The following MAP3K11 variants were observed in gnomAD, a reference collection of about 807,000 sequenced individuals.
MAP3K11 encodes SH3 domain-containing proline-rich kinase.
Under a neutral mutation model 84.9 loss-of-function variants are expected in MAP3K11, and 46 were observed. That is an observed-to-expected ratio of 0.54 (90% CI 0.43 to 0.69). The LOEUF is 0.69. MAP3K11 is among the 30% of genes least tolerant of loss of function. MAP3K11 has a pLI of 0.00. For missense variants in MAP3K11, 1,053 were observed against 1,198.3 expected (o/e 0.88, Z 1.79); for synonymous variants, 527 against 514.7 (o/e 1.02, Z -0.32).
chr11:65,607,644 T>C lies in MAP3K11; in HGVS notation c.1242A>G (p.Glu414=). The C allele has an allele frequency of 1.2e-6, 2 of 1,605,396 alleles. No homozygotes were observed. Among genetic ancestry groups the C allele is most frequent in the Non-Finnish European group, 1.7e-6 (2 of 1,173,962 alleles). Residue 414 remains glutamate (E), a synonymous_variant, in exon 4 of 10, where the codon GAA becomes GAG. Transcript: ENST00000309100. ...QGLFDELRAK[E]KELLSREEEL... is the part of the protein sequence containing the mutation. ...TGGGTCCCTTGATTCCTCGCACCTT[T>C]TCCTTGGCTCGCAGCTCGTCGAAGA...
intron 1 of MAP3K11, chr11:65,611,402 C>T: frequency 6.6e-6 from 1 of 152,322 alleles, no homozygotes; most frequent in Non-Finnish European, 1.5e-5. Flanking sequence ...CCAGGGACTC[C>T]CCCCACCCCA....
At chr11:65,608,215 C>G in intron 2 of MAP3K11, 53 bp downstream of exon 2, 1 of 1,597,046 alleles carries the variant, frequency 6.3e-7, no homozygotes. Flanking sequence ...AGGCAGCCAC[C>G]TCTGCCCTCT....
intron 6 of MAP3K11, 38 bp from the exon 7 acceptor site, chr11:65,606,119 T>C: frequency 6.5e-7 from 1 of 1,541,832 alleles, no homozygotes; most frequent in Non-Finnish European, 8.7e-7. Flanking sequence ...ATAATCTTTA[T>C]TCTCCCTCCA....
chr11:65,604,756 G>A lies in MAP3K11; in HGVS notation c.1831+1005C>T, dbSNP rs76029898. ...TGGGATGGGAGGAGTGAGTTTAAAC[G>A]GCTTGCTGAACAGGACTCTTCTGAG... On this transcript the variant is annotated intron_variant, in intron 8 of 9. Coordinates refer to ENST00000309100, the MANE Select transcript of MAP3K11 (RefSeq NM_002419.4). Among the ~76,000 whole-genome samples the A allele has an allele frequency of 1.2e-4, 19 of 152,060 alleles. No individual in the cohort carries two copies. In the East Asian group the frequency reaches 1.5e-3, roughly 12 times the overall value.
rs749294156 is a variant in MAP3K11 at position 65,599,639 on chromosome 11, G to A, written c.1961C>T (p.Ser654Leu). 8.7e-5 allele frequency: 134 copies of A among 1,539,660 alleles called. 1 individual carries two copies. The highest frequency in any genetic ancestry group is 1.1e-4 in the Non-Finnish European group (127 of 1,147,644). ...ALLRGTALLASLGLGRDLQPP... is the reference protein window; with the variant it reads ...ALLRGTALLALLGLGRDLQPP... ...CTGCAGGTCGCGGCCAAGGCCCAGC[G>A]AGGCGAGCAGGGCGGTGCCGCGCAG... The change falls in exon 9 of 10, where the codon TCG becomes TTG. Residue 654 changes from serine to leucine, a missense_variant. Transcript: ENST00000309100.
intron 5 of MAP3K11, chr11:65,607,056 C>G (rs772696603): frequency 2.7e-6 from 2 of 748,772 alleles, no homozygotes; most frequent in Non-Finnish European, 4.0e-6. Context: ...GTGAACCCCA[C>G]CCCTTCCCAC....
At chr11:65,606,534 T>C in intron 6 of MAP3K11, 157 bp downstream of exon 6, 1 of 544,898 alleles carries the variant, frequency 1.8e-6, no homozygotes, top group South Asian at 3.0e-5. Flanking sequence ...TTAATGCTGC[T>C]TGGGGAGTTC....
chr11:65,606,595 AG>A, intron 6 of MAP3K11, 95 bp downstream of exon 6: 1 of 871,886 alleles, frequency 1.1e-6, no homozygotes, highest in Non-Finnish European at 1.8e-6. Flanking sequence ...GGGGAGGAAG[AG>A]GGGATAGTGA....
In MAP3K11 at chr11:65,605,791, C is replaced by T. The variant is rs1353687739; in HGVS notation, c.1801G>A (p.Gly601Arg). The T allele has an allele frequency of 9.9e-6, 16 of 1,612,112 alleles. No homozygotes were observed. Among genetic ancestry groups the T allele is most frequent in the Non-Finnish European group, 1.2e-5 (14 of 1,179,240 alleles). Reference protein sequence around the residue: ...YLDSDDSSPLGSPSTPPALNG... With the variant: ...YLDSDDSSPLRSPSTPPALNG... ...AGTGCTGGGGGTGTGGAAGGAGATC[C>T]TAAGGGGGATGAGTCATCTGAATCC... The change falls in exon 8 of 10, where the codon GGA (glycine) becomes AGA (arginine). Residue 601 changes from glycine (G) to arginine (R), a missense_variant. By Grantham distance (125) the Gly-to-Arg change is moderately radical. Coordinates refer to ENST00000309100, the MANE Select transcript of MAP3K11 (RefSeq NM_002419.4).
chr11:65,606,856 C>T (rs761496655), intron 5 of MAP3K11, 52 bp from the exon 6 acceptor site: 1 of 1,248,782 alleles, frequency 8.0e-7, no homozygotes, highest in South Asian at 1.3e-5. Flanking sequence ...GAAGTAGAGC[C>T]AGGACCCCAA....
intron 3 of MAP3K11, 33 bp from the exon 4 acceptor site, chr11:65,607,849 A>G (rs1452946675): frequency 6.2e-7 from 1 of 1,606,708 alleles, no homozygotes; most frequent in Admixed American, 1.7e-5. Flanking sequence ...GGACAGAATA[A>G]GAAGGGGTCC....
At chr11:65,606,877 C>T in intron 5 of MAP3K11, 73 bp from the exon 6 acceptor site, 1 of 968,576 alleles carries the variant, frequency 1.0e-6, no homozygotes, top group Non-Finnish European at 1.6e-6. Flanking sequence ...CCTGCAGGGG[C>T]CCAAGGCCAG....
chr11:65,600,879 C>A (rs1854448219), intron 8 of MAP3K11, among the ~76,000 whole-genome samples: 1 of 152,184 alleles, frequency 6.6e-6, no homozygotes, highest in Non-Finnish European at 1.5e-5. Context: ...GAAAAATGAG[C>A]TTCTACTATG....
At position 65,599,319 on chromosome 11, in the gene MAP3K11, C is replaced by G. The variant is rs923104300; in HGVS notation, c.2206+75G>C. 4.8e-6 allele frequency: 7 copies of G among 1,450,108 alleles called. No homozygotes were observed. In the African/African-American group the frequency reaches 9.1e-5, roughly 19 times the overall value. 89.8% of individuals were successfully genotyped at this position (1,450,108 alleles called of 1,614,324 possible). The stretch of plus-strand genomic sequence containing the variant: ...GTCTCGGCCTTGCCTCCTTGCATGT[C>G]CCCACCAGCCACTCCTCCCTCCCTG... On this transcript the variant is annotated intron_variant, in intron 9 of 9. Transcript: ENST00000309100.
At chr11:65,608,603 C>T (rs1190456572) in intron 1 of MAP3K11, 155 bp from the exon 2 acceptor site, 20 of 608,988 alleles carry the variant, frequency 3.3e-5, no homozygotes, top group South Asian at 2.1e-4. Context: ...TGAGGTCAGA[C>T]ATTTCTTTTC....
chr11:65,605,276 C>T (rs536427318), intron 8 of MAP3K11, among the ~76,000 whole-genome samples: 42 of 152,248 alleles, frequency 2.8e-4, no homozygotes, highest in African/African-American at 9.6e-4. Flanking sequence ...CCTGCCTGCT[C>T]GGCCTTCTCA....
In MAP3K11 at chr11:65,607,301, G is replaced by T; in HGVS notation, c.1458C>A (p.Arg486=). 6.6e-7 allele frequency: 1 copy of T among 1,521,254 alleles called. No individual in the cohort carries two copies. The highest frequency in any genetic ancestry group is 8.7e-7 in the Non-Finnish European group (1 of 1,143,718). 94.2% of individuals were successfully genotyped at this position (1,521,254 alleles called of 1,614,324 possible). Residue 486 remains arginine, a synonymous_variant, in exon 5 of 10, where the codon CGC becomes CGA. Transcript: ENST00000309100. ...GTFKRSKLRA[R]DGGERISMPL... Reference sequence around the variant, plus strand: ...GCATGCTGATACGCTCGCCGCCGTCGCGCGCCCGGAGCTTGCTGCGCTTGA... The same window carrying T: ...GCATGCTGATACGCTCGCCGCCGTCTCGCGCCCGGAGCTTGCTGCGCTTGA...
In MAP3K11 at chr11:65,607,826, C is replaced by A. The variant is rs756631615; in HGVS notation, c.1070-10G>T. ...TCCTGCGCCCAGCAGTCTAGGGGCA[C>A]GGCGTGCAGCGGGGACAGAATAAGA... On this transcript the variant is annotated splice_polypyrimidine_tract_variant and intron_variant, in intron 3 of 9. Coordinates refer to ENST00000309100, the MANE Select transcript of MAP3K11 (RefSeq NM_002419.4). 3 of 1,607,730 alleles carry A rather than the reference C, an allele frequency of 1.9e-6. No individual in the cohort carries two copies. The South Asian group carries it at 3.3e-5, about 18-fold the overall frequency.
chr11:65,605,707 G>C, intron 8 of MAP3K11, 54 bp downstream of exon 8: 1 of 1,389,366 alleles, frequency 7.2e-7, no homozygotes, highest in Non-Finnish European at 1.0e-6. Context: ...GCCTCCCCAA[G>C]GTGCCCACGG....
Sources: gnomAD v4.1 joint callset for allele counts (sites outside exome capture counted in the v4.1 genomes callset) on GRCh38, gnomAD v4.1.1 for gene constraint, MANE v1.5 for transcripts, NCBI Gene and HGNC (gene_info 2026-07-23, HGNC 2026-07-21) for gene names.